FER: variants seen among roughly 807,000 people sequenced by gnomAD.
The protein encoded by FER is FER tyrosine kinase.
FER carries 63 observed loss-of-function variants against 111.0 expected under a neutral mutation model. The observed-to-expected ratio is 0.57, with a 90% CI of 0.46 to 0.70. The LOEUF (loss-of-function observed/expected upper bound fraction) is 0.70. FER is among the 30% of genes least tolerant of loss of function. The pLI, the probability that FER is intolerant of heterozygous loss-of-function variation, is 0.00. For synonymous variants in FER, 327 were observed against 313.9 expected (o/e 1.04, Z -0.44); for missense variants, 914 against 954.0 (o/e 0.96, Z 0.55).
chr5:108,981,663 C>CT (rs1310269392), intron 13 of FER, among the ~76,000 whole-genome samples: 1 of 151,936 alleles, frequency 6.6e-6, no homozygotes, highest in South Asian at 2.1e-4. Flanking sequence ...GTTCTAAGTG[C>CT]TTTACTCATT....
Position 109,001,302 on chromosome 5 carries a change from T to A in FER, c.1657-36120T>A, listed in dbSNP as rs926702318. ...TATCCACCATGATCAAGTGGGCTTCTTCCCTGGGATGCAAGGCTGGTTCAA... is the reference window on the plus strand; with the variant it reads ...TATCCACCATGATCAAGTGGGCTTCATCCCTGGGATGCAAGGCTGGTTCAA... On this transcript the variant is annotated intron_variant, in intron 13 of 19. Transcript: ENST00000281092. Among the ~76,000 whole-genome samples, 5 of 152,264 alleles carry A rather than the reference T, an allele frequency of 3.3e-5. No homozygotes were observed. The East Asian group carries it at 7.7e-4, about 24-fold the overall frequency.
intron 13 of FER, among the ~76,000 whole-genome samples, chr5:109,034,732 C>G (rs1371735827): frequency 6.6e-6 from 1 of 151,934 alleles, no homozygotes; most frequent in Non-Finnish European, 1.5e-5. Flanking sequence ...GTGGTTTGCA[C>G]TACAAGGATT....
At chr5:109,178,054 A>G (rs1334406895) in intron 17 of FER, among the ~76,000 whole-genome samples, 2 of 152,188 alleles carry the variant, frequency 1.3e-5, no homozygotes, top group Non-Finnish European at 2.9e-5. Flanking sequence ...AAAGGAGGAA[A>G]AGTGTATGAT....
chr5:109,143,229 T>C (rs1582229452), intron 17 of FER, among the ~76,000 whole-genome samples: 1 of 152,098 alleles, frequency 6.6e-6, no homozygotes, highest in Non-Finnish European at 1.5e-5. Flanking sequence ...GGAAACAAGA[T>C]ACTTCACTCC....
chr5:108,980,757 T>G (rs575997588), intron 13 of FER, among the ~76,000 whole-genome samples: 2 of 152,298 alleles, frequency 1.3e-5, no homozygotes, highest in East Asian at 3.9e-4. Flanking sequence ...GTCACCTGAT[T>G]GTCATAGTCC....
At chr5:109,146,177 CAAA>C (rs959308344) in intron 17 of FER, among the ~76,000 whole-genome samples, 2 of 112,442 alleles carry the variant, frequency 1.8e-5, no homozygotes, top group East Asian at 4.7e-4. Context: ...AATTTTGCAG[CAAA>C]AAAATACATA....
chr5:109,036,229 T>G (rs1192863277), intron 13 of FER, among the ~76,000 whole-genome samples: 1 of 152,122 alleles, frequency 6.6e-6, no homozygotes. Flanking sequence ...CTTACCCACT[T>G]GATCATGACG....
chr5:108,802,754 G>A (rs1467810387), intron 3 of FER, among the ~76,000 whole-genome samples: 1 of 151,964 alleles, frequency 6.6e-6, no homozygotes, highest in Non-Finnish European at 1.5e-5. Flanking sequence ...TTCACTCAGA[G>A]CGGTATCACC....
At chr5:109,165,065 TC>T (rs1756392577) in intron 17 of FER, among the ~76,000 whole-genome samples, 1 of 152,160 alleles carries the variant, frequency 6.6e-6, no homozygotes, top group African/African-American at 2.4e-5. Flanking sequence ...CTAGGTCCTA[TC>T]AGAGGAACAT....
chr5:109,062,022 TTTGC>T lies in FER; in HGVS notation c.1924+14851_1924+14854del, dbSNP rs112245118. On this transcript the variant is annotated intron_variant, in intron 16 of 19. Transcript: ENST00000281092. ...GAATCATCTCTTGAATTATGAATACTTTGCTTGCTTGCTTGCTTGCTTGCTTGCT... is the reference window on the plus strand; with the variant it reads ...GAATCATCTCTTGAATTATGAATACTTTGCTTGCTTGCTTGCTTGCTTGCT... 6.4e-4 allele frequency among the ~76,000 whole-genome samples: 96 copies of T among 150,652 alleles called. 1 individual carries two copies. The South Asian group carries it at 0.014, about 23-fold the overall frequency.
intron 8 of FER, among the ~76,000 whole-genome samples, chr5:108,882,135 A>G (rs757356059): frequency 1.1e-4 from 16 of 152,152 alleles, no homozygotes; most frequent in Non-Finnish European, 2.2e-4. Flanking sequence ...TTTTGTATGG[A>G]CAGACTTTGT....
At chr5:109,082,810 A>G (rs535603631) in intron 16 of FER, among the ~76,000 whole-genome samples, 1 of 152,114 alleles carries the variant, frequency 6.6e-6, no homozygotes, top group East Asian at 1.9e-4. Flanking sequence ...CATCCATCCT[A>G]GGAAATTTTA....
At chr5:108,993,658 C>CGAGGGCGAGGGT (rs1561737404) in intron 13 of FER, among the ~76,000 whole-genome samples, 1 of 117,486 alleles carries the variant, frequency 8.5e-6, no homozygotes, top group Non-Finnish European at 2.0e-5. Flanking sequence ...AGGGCGAGGG[C>CGAGGGCGAGGGT]GAGGGTGAGG....
chr5:109,155,008 C>T (rs1755215415), intron 17 of FER, among the ~76,000 whole-genome samples: 2 of 151,902 alleles, frequency 1.3e-5, no homozygotes, highest in South Asian at 4.1e-4. Flanking sequence ...AATCTTATAA[C>T]TCTATCATCT....
chr5:108,825,654 G>A lies in FER; in HGVS notation c.208-7116G>A, dbSNP rs948116341. ...AGAGATTAAAGTAAAGACAGGCATA[G>A]GAAATCACAAGGGTATTGATTGGGG... On this transcript the variant is annotated intron_variant, in intron 3 of 19. Coordinates refer to ENST00000281092, the MANE Select transcript of FER (RefSeq NM_005246.4). Among the ~76,000 whole-genome samples, 6 of 152,148 alleles carry A rather than the reference G, an allele frequency of 3.9e-5. No individual in the cohort carries two copies. The South Asian group carries it at 6.2e-4, about 16-fold the overall frequency.
chr5:109,146,254 A>ATATATATATATTATCTATC (rs1491450891), intron 17 of FER, among the ~76,000 whole-genome samples: 2 of 10,502 alleles, frequency 1.9e-4, no homozygotes, highest in African/African-American at 1.5e-3. Flanking sequence ...AATCTATCTA[A>ATATATATATATTATCTATC]TATATATATA....
intron 17 of FER, among the ~76,000 whole-genome samples, chr5:109,140,287 A>G (rs765538806): frequency 2.0e-5 from 3 of 152,214 alleles, no homozygotes; most frequent in Non-Finnish European, 2.9e-5. Context: ...ATAAAGAAAC[A>G]GTACAAAACA....
chr5:109,099,953 A>C (rs1374838403), intron 16 of FER, among the ~76,000 whole-genome samples: 3 of 151,746 alleles, frequency 2.0e-5, no homozygotes, highest in Non-Finnish European at 4.4e-5. Flanking sequence ...CACTGAATCT[A>C]ATAGCTAATC....
chr5:109,105,814 A>G (rs1358578878), intron 17 of FER, among the ~76,000 whole-genome samples: 2 of 152,222 alleles, frequency 1.3e-5, no homozygotes, highest in Non-Finnish European at 2.9e-5. Flanking sequence ...AGTGCTTTAG[A>G]TGCAATGTCT....
Sources: allele counts gnomAD v4.1 joint callset (sites outside exome capture counted in the v4.1 genomes callset), GRCh38; gene constraint gnomAD v4.1.1; transcripts MANE v1.5; gene names NCBI Gene and HGNC (gene_info 2026-07-23, HGNC 2026-07-21).